ZKSCAN1: variants seen among roughly 807,000 people sequenced by gnomAD.
ZKSCAN1 encodes zinc finger with KRAB and SCAN domains 1.
In ZKSCAN1, 14 loss-of-function variants were observed where a neutral mutation model predicts 51.6. The observed-to-expected ratio is 0.27, with a 90% CI of 0.18 to 0.42. The LOEUF (loss-of-function observed/expected upper bound fraction) is 0.42, where lower values mean the gene tolerates loss of function less well. ZKSCAN1 is among the 10% of genes least tolerant of loss of function. The pLI, the probability that ZKSCAN1 is intolerant of heterozygous loss-of-function variation, is 1.00. For synonymous variants in ZKSCAN1, 263 were observed against 261.5 expected, an observed-to-expected ratio of 1.01 and a Z score of -0.06; for missense variants, 531 against 710.0, an observed-to-expected ratio of 0.75 and a Z score of 2.86.
chr7:100,018,333 A>G (rs764486898), intron 1 of ZKSCAN1, among the ~76,000 whole-genome samples: 5 of 152,202 alleles, frequency 3.3e-5, no homozygotes, highest in African/African-American at 1.2e-4. Flanking sequence ...AAGGAGTACA[A>G]AGAGGACTGC....
rs750865253 is a variant in ZKSCAN1, at chr7:100,036,444, C to A, written c.*2247C>A. The A allele has an allele frequency of 3.0e-6, 3 of 985,248 alleles. 1 individual carries two copies. In the Admixed American group the frequency reaches 1.8e-4, roughly 61 times the overall value. 61.0% of individuals were successfully genotyped at this position (985,248 alleles called of 1,614,324 possible). A position where few individuals can be genotyped will look rare whatever the true frequency, so the allele number is the denominator to read the frequency against. ...TCTAGAAAGCAACTGAGGCCAGGTG[C>A]GGTGGCTCACGCCTGTAATCCCAGC... On this transcript the variant is annotated 3_prime_UTR_variant, in exon 6 of 6. Coordinates refer to ENST00000324306, the MANE Select transcript of ZKSCAN1 (RefSeq NM_003439.4).
At chr7:100,030,397 T>C in intron 5 of ZKSCAN1, 22 bp downstream of exon 5, 1 of 1,606,868 alleles carries the variant, frequency 6.2e-7, no homozygotes, top group Non-Finnish European at 8.5e-7. Context: ...GCAGGCTTAC[T>C]GTCTGATAAG....
Position 100,023,479 on chromosome 7 carries a change from T to A in ZKSCAN1, c.-28T>A. On this transcript the variant is annotated 5_prime_UTR_variant, in exon 2 of 6. It adds an upstream start codon to the 5' untranslated region. Transcript: ENST00000324306. ...ACATAAAGGTGAGCACAGACCCTGT[T>A]TGGATCAAGTCAGTTCCTGGAGCCT... The A allele has an allele frequency of 1.3e-6, 2 of 1,589,860 alleles. No individual in the cohort carries two copies. Among genetic ancestry groups the A allele is most frequent in the Non-Finnish European group, 1.7e-6 (2 of 1,169,304 alleles).
intron 3 of ZKSCAN1, 144 bp from the exon 4 acceptor site, chr7:100,029,717 T>C: frequency 4.3e-6 from 3 of 700,678 alleles, no homozygotes; most frequent in Non-Finnish European, 7.0e-6. Context: ...TGTTCTCTCG[T>C]TTGTGTTGTC....
At chr7:100,026,424 T>G (rs1015566109) in intron 3 of ZKSCAN1, among the ~76,000 whole-genome samples, 1 of 151,840 alleles carries the variant, frequency 6.6e-6, no homozygotes, top group African/African-American at 2.4e-5. Context: ...TCTTTAAAAT[T>G]TTTGTTTCTT....
At chr7:100,029,164 CAAAAAAAAAA>C (rs56176717) in intron 3 of ZKSCAN1, among the ~76,000 whole-genome samples, 10 of 120,286 alleles carry the variant, frequency 8.3e-5, no homozygotes, top group Admixed American at 8.4e-5. Context: ...AACTCTGTCT[CAAAAAAAAAA>C]AAAAAAAAAA....
At position 100,015,599 on chromosome 7, in the gene ZKSCAN1, A is replaced by C. The variant is rs910491113; in HGVS notation, c.-216A>C. ...TGGTGACACGCTTCCGGCCTTTGTG[A>C]CTCATTGTGTCTGTGTCGAGGCGTC... is the stretch of plus-strand genomic sequence containing the variant. On this transcript the variant is annotated 5_prime_UTR_variant, in exon 1 of 6. Transcript: ENST00000324306. 6.6e-6 allele frequency: 1 copy of C among 151,910 alleles called. No individual in the cohort carries two copies. Among genetic ancestry groups the C allele is most frequent in the Non-Finnish European group, 1.5e-5 (1 of 68,002 alleles). 9.4% of individuals were successfully genotyped at this position (151,910 alleles called of 1,614,324 possible). A position where few individuals can be genotyped will look rare whatever the true frequency, so the allele number is the denominator to read the frequency against.
intron 5 of ZKSCAN1, among the ~76,000 whole-genome samples, chr7:100,032,713 G>A (rs945852798): frequency 6.6e-6 from 1 of 151,900 alleles, no homozygotes; most frequent in Non-Finnish European, 1.5e-5. Context: ...AAATACAAAA[G>A]TTACCCGGGC....
chr7:100,018,407 T>A (rs781552226), intron 1 of ZKSCAN1, among the ~76,000 whole-genome samples: 4 of 136,176 alleles, frequency 2.9e-5, no homozygotes, highest in African/African-American at 5.4e-5. Context: ...TCATGAGAAA[T>A]TTTTTTTTTT....
chr7:100,039,969 T>A lies in ZKSCAN1; in HGVS notation c.*5772T>A. ...TAAAAGGCATTATTTGAAAAGTTTT[T>A]CTAACATAGATTTAGGGTTTTTTTT... On this transcript the variant is annotated 3_prime_UTR_variant, in exon 6 of 6. Coordinates refer to ENST00000324306, the MANE Select transcript of ZKSCAN1 (RefSeq NM_003439.4). 1.0e-6 allele frequency: 1 copy of A among 964,390 alleles called. No individual in the cohort carries two copies. Among genetic ancestry groups the A allele is most frequent in the Middle Eastern group, 5.3e-4 (1 of 1,876 alleles). The allele number at this position is 964,390 out of a possible 1,614,324, so 59.7% of individuals were successfully genotyped here.
At chr7:100,029,674 A>G (rs1292848549) in intron 3 of ZKSCAN1, among the ~76,000 whole-genome samples, 187 bp from the exon 4 acceptor site, 1 of 152,176 alleles carries the variant, frequency 6.6e-6, no homozygotes, top group Non-Finnish European at 1.5e-5. Flanking sequence ...ACTCCTGCTC[A>G]AGAGTAGAGG....
At chr7:100,018,538 G>A (rs1294747869) in intron 1 of ZKSCAN1, among the ~76,000 whole-genome samples, 4 of 151,756 alleles carry the variant, frequency 2.6e-5, no homozygotes, top group South Asian at 2.1e-4. Flanking sequence ...ACAGGCGCCC[G>A]CCACCACACC....
chr7:100,040,762 C>T lies in ZKSCAN1; in HGVS notation c.*6565C>T, dbSNP rs191341988. ...GTTGGGGTGTGCTGGGGTTGGTACC[C>T]GAGCGCCTTCCCCTCACCTCAACCA... is the stretch of plus-strand genomic sequence containing the variant. On this transcript the variant is annotated 3_prime_UTR_variant, in exon 6 of 6. Transcript: ENST00000324306. 9.9e-4 allele frequency: 972 copies of T among 985,452 alleles called. No homozygotes were observed. The highest frequency in any genetic ancestry group is 1.1e-3 in the Non-Finnish European group (937 of 829,958). The allele number at this position is 985,452 out of a possible 1,614,324, so 61.0% of individuals were successfully genotyped here. A position where few individuals can be genotyped will look rare whatever the true frequency, so the allele number is the denominator to read the frequency against.
In ZKSCAN1 at chr7:100,039,981, T is replaced by A. The variant is rs988867676; in HGVS notation, c.*5784T>A. Reference sequence around the variant, plus strand: ...TTTGAAAAGTTTTTCTAACATAGATTTAGGGTTTTTTTTTTTAGAGTGGAC... The same window carrying A: ...TTTGAAAAGTTTTTCTAACATAGATATAGGGTTTTTTTTTTTAGAGTGGAC... On this transcript the variant is annotated 3_prime_UTR_variant, in exon 6 of 6. Transcript: ENST00000324306. 1.0e-6 allele frequency: 1 copy of A among 955,546 alleles called. No homozygotes were observed. The highest frequency in any genetic ancestry group is 1.2e-6 in the Non-Finnish European group (1 of 802,802). The allele number at this position is 955,546 out of a possible 1,614,324, so 59.2% of individuals were successfully genotyped here.
At chr7:100,021,526 T>G (rs1459357258) in intron 1 of ZKSCAN1, among the ~76,000 whole-genome samples, 4 of 152,206 alleles carry the variant, frequency 2.6e-5, no homozygotes, top group African/African-American at 9.7e-5. Flanking sequence ...TTCATACAGC[T>G]GTTCCTGTAA....
intron 3 of ZKSCAN1, chr7:100,024,847 C>G (rs1295787210): frequency 1.4e-5 from 2 of 140,806 alleles, no homozygotes; most frequent in Admixed American, 7.7e-5. Context: ...TTGCAGTAAG[C>G]CGAGATCGTA....
chr7:100,017,454 C>G (rs1029865731), intron 1 of ZKSCAN1, among the ~76,000 whole-genome samples: 1 of 152,302 alleles, frequency 6.6e-6, no homozygotes, highest in Middle Eastern at 3.4e-3. Context: ...AACGCCTGAT[C>G]TCAGGCAGTC....
intron 5 of ZKSCAN1, among the ~76,000 whole-genome samples, chr7:100,032,195 T>A (rs1791136214): frequency 1.3e-5 from 2 of 152,262 alleles, no homozygotes; most frequent in Admixed American, 1.3e-4. Flanking sequence ...CACTAATCAT[T>A]TTCTATGAAA....
chr7:100,024,101 T>G lies in ZKSCAN1; in HGVS notation c.427-53T>G. The G allele has an allele frequency of 1.9e-6, 3 of 1,562,898 alleles. No homozygotes were observed. The South Asian group carries it at 3.6e-5, about 19-fold the overall frequency. On this transcript the variant is annotated intron_variant, in intron 2 of 5. Transcript: ENST00000324306. ...ACTCATGGTCTGTTTTTAAATATTT[T>G]AATTCCCATTTACAAAGTGATTTAC...
Sources: gnomAD v4.1 joint callset for allele counts (sites outside exome capture counted in the v4.1 genomes callset) on GRCh38, gnomAD v4.1.1 for gene constraint, MANE v1.5 for transcripts, NCBI Gene and HGNC (gene_info 2026-07-23, HGNC 2026-07-21) for gene names.